The following MAST4 variants were observed in gnomAD, a reference collection of about 807,000 sequenced individuals.
MAST4 encodes microtubule-associated serine/threonine-protein kinase 4.
Under a neutral mutation model 162.7 loss-of-function variants are expected in MAST4, and 89 were observed. That is an observed-to-expected ratio of 0.55 (90% confidence interval 0.46 to 0.65). The LOEUF (loss-of-function observed/expected upper bound fraction) is 0.65, where lower values mean the gene tolerates loss of function less well. MAST4 is among the 30% of genes least tolerant of loss of function. MAST4 has a pLI of 0.00. For missense variants in MAST4, 3,153 were observed against 3,374.0 expected (o/e 0.93, Z 1.62); for synonymous variants, 1,479 against 1,361.1 (o/e 1.09, Z -1.91).
intron 3 of MAST4, among the ~76,000 whole-genome samples, chr5:66,854,306 A>C (rs1311261774): frequency 1.3e-5 from 2 of 152,230 alleles, no homozygotes; most frequent in Non-Finnish European, 2.9e-5. Flanking sequence ...TATCATGATT[A>C]GTGTGTATAC....
At chr5:66,846,310 G>C (rs183070974) in intron 3 of MAST4, among the ~76,000 whole-genome samples, 1 of 152,186 alleles carries the variant, frequency 6.6e-6, no homozygotes, top group Non-Finnish European at 1.5e-5. Context: ...TGTGGTTAGG[G>C]TATCTATGCG....
At chr5:66,732,316 C>A (rs972956212) in intron 1 of MAST4, among the ~76,000 whole-genome samples, 1 of 152,126 alleles carries the variant, frequency 6.6e-6, no homozygotes, top group South Asian at 2.1e-4. Context: ...CCCCAAGCCT[C>A]ATTTTCTGGC....
chr5:67,039,123 C>G (rs1459566696), intron 4 of MAST4, among the ~76,000 whole-genome samples: 1 of 152,150 alleles, frequency 6.6e-6, no homozygotes, highest in African/African-American at 2.4e-5. Flanking sequence ...ATGTATTTTA[C>G]CCTTTCAATA....
intron 4 of MAST4, among the ~76,000 whole-genome samples, chr5:67,041,747 G>A (rs190752103): frequency 1.8e-3 from 279 of 152,268 alleles, no homozygotes; most frequent in Admixed American, 3.2e-3. Flanking sequence ...TTCTGCCTCA[G>A]CCTCCTGAGT....
At chr5:66,935,674 CTTT>C (rs113432423) in intron 4 of MAST4, among the ~76,000 whole-genome samples, 1 of 132,652 alleles carries the variant, frequency 7.5e-6, no homozygotes. Context: ...TTCTTTCTTT[CTTT>C]TTTTTTTTTT....
intron 4 of MAST4, among the ~76,000 whole-genome samples, chr5:67,026,786 A>G (rs1754701456): frequency 6.6e-6 from 1 of 152,152 alleles, no homozygotes; most frequent in Non-Finnish European, 1.5e-5. Context: ...AAAGATGGAA[A>G]AAACAATTCA....
intron 5 of MAST4, among the ~76,000 whole-genome samples, chr5:67,062,349 G>A (rs1378998808): frequency 6.6e-6 from 1 of 151,912 alleles, no homozygotes; most frequent in Admixed American, 6.6e-5. Flanking sequence ...AGTGAGCCGA[G>A]ATCACGCCAC....
At chr5:66,759,905 T>G in intron 2 of MAST4, 43 bp downstream of exon 2, 1 of 1,609,726 alleles carries the variant, frequency 6.2e-7, no homozygotes, top group Non-Finnish European at 8.5e-7. Context: ...TTGCATTTCT[T>G]TACAAGGTCC....
At chr5:66,907,584 ATGCG>A (rs1482652295) in intron 4 of MAST4, among the ~76,000 whole-genome samples, 4 of 47,534 alleles carry the variant, frequency 8.4e-5, no homozygotes, top group South Asian at 1.3e-3. Context: ...GCATAGGTTG[ATGCG>A]TGTGTGTGTG....
At chr5:67,008,877 G>A (rs1029309850) in intron 4 of MAST4, among the ~76,000 whole-genome samples, 9 of 152,020 alleles carry the variant, frequency 5.9e-5, no homozygotes, top group African/African-American at 1.7e-4. Context: ...TTATGCATTC[G>A]GCATCTTCCC....
chr5:67,036,337 A>G (rs569174385), intron 4 of MAST4, among the ~76,000 whole-genome samples: 68 of 152,176 alleles, frequency 4.5e-4, no homozygotes, highest in African/African-American at 1.5e-3. Context: ...AGAGGTTAAA[A>G]TATTCATGAT....
At chr5:67,080,018 T>C (rs1295799853) in intron 5 of MAST4, among the ~76,000 whole-genome samples, 1 of 152,080 alleles carries the variant, frequency 6.6e-6, no homozygotes, top group Admixed American at 6.5e-5. Flanking sequence ...TGCCTTAGAG[T>C]CGTCACACCT....
At chr5:66,965,535 G>A (rs1292716402) in intron 4 of MAST4, among the ~76,000 whole-genome samples, 1 of 136,940 alleles carries the variant, frequency 7.3e-6, no homozygotes. Context: ...GGTTGCGTTT[G>A]AGCTGGACCT....
chr5:66,916,966 C>G (rs1292937405), intron 4 of MAST4: 2 of 717,828 alleles, frequency 2.8e-6, no homozygotes, highest in Non-Finnish European at 5.2e-6. Flanking sequence ...ACGTACTGGT[C>G]CTTTTTTCTC....
Position 66,669,759 on chromosome 5 carries a change from T to C in MAST4, c.363+72741T>C, listed in dbSNP as rs116772223. 1.0e-3 allele frequency among the ~76,000 whole-genome samples: 156 copies of C among 152,226 alleles called. 1 individual carries two copies. Among genetic ancestry groups the C allele is most frequent in the African/African-American group, 3.7e-3 (153 of 41,532 alleles). On this transcript the variant is annotated intron_variant, in intron 1 of 28. Transcript: ENST00000403625. The stretch of plus-strand genomic sequence containing the variant: ...GAGCCAAGAGGCACTGTTTCTGGAA[T>C]GAGAGAGTGAGAAGTACAGTGAGGG...
At chr5:67,133,163 T>C (rs1380323245) in intron 16 of MAST4, among the ~76,000 whole-genome samples, 2 of 152,092 alleles carry the variant, frequency 1.3e-5, no homozygotes, top group Non-Finnish European at 2.9e-5. Context: ...TAGTTCCTGG[T>C]GTATGCCCTT....
intron 5 of MAST4, among the ~76,000 whole-genome samples, chr5:67,081,853 T>C (rs1317926570): frequency 6.6e-6 from 1 of 152,220 alleles, no homozygotes; most frequent in African/African-American, 2.4e-5. Flanking sequence ...AATTTTTCTA[T>C]TACTTGTAAT....
rs4699896 is a variant in MAST4, at chr5:67,166,241, A to G, written c.7062A>G (p.Thr2354=). The change falls in exon 29 of 29, where the codon ACA becomes ACG. Residue 2354 remains threonine (T), a synonymous_variant. Transcript: ENST00000403625. The part of the protein sequence containing the change: ...TLCKQTDNRQ[T]DKSPSQPAAN... The stretch of plus-strand genomic sequence containing the variant: ...GCAAACAGACAGACAACAGACAGAC[A>G]GACAAAAGCCCGAGTCAGCCGGCCG... The G allele has an allele frequency of 0.045, 70,461 of 1,551,978 alleles. 7,433 individuals carry two copies. The highest frequency in any genetic ancestry group is 0.35 in the African/African-American group (25,238 of 72,674).
rs976947206 is a variant in MAST4, at chr5:67,072,425, C to T, written c.764-17737C>T. 2.5e-4 allele frequency among the ~76,000 whole-genome samples: 38 copies of T among 152,156 alleles called. 1 individual carries two copies. The highest frequency in any genetic ancestry group is 1.3e-3 in the Admixed American group (20 of 15,278). The stretch of plus-strand genomic sequence containing the variant: ...AGAAATCCATAATGTAGAAAGACAT[C>T]TAATTTAGACTAATGGCCAATGTCT... On this transcript the variant is annotated intron_variant, in intron 5 of 28. Coordinates refer to ENST00000403625, the MANE Select transcript of MAST4 (RefSeq NM_001164664.2).
Sources: gnomAD v4.1 joint callset for allele counts (sites outside exome capture counted in the v4.1 genomes callset) on GRCh38, gnomAD v4.1.1 for gene constraint, MANE v1.5 for transcripts, NCBI Gene and HGNC (gene_info 2026-07-23, HGNC 2026-07-21) for gene names.